The following FOXP1 variants were observed in gnomAD, a reference collection of about 807,000 sequenced individuals.
FOXP1 encodes the protein forkhead box P1, also known as forkhead box protein P1.
Under a neutral mutation model 98.2 loss-of-function variants are expected in FOXP1, and 15 were observed. The ratio of observed to expected loss-of-function variants is 0.15; its 90% confidence interval spans 0.10 to 0.24. FOXP1 has a LOEUF of 0.24. FOXP1 is among the 10% of genes least tolerant of loss of function. FOXP1 has a pLI of 1.00. For synonymous variants in FOXP1, 371 were observed against 314.5 expected, an observed-to-expected ratio of 1.18 and a Z score of -1.90; for missense variants, 633 against 848.5, an observed-to-expected ratio of 0.75 and a Z score of 3.15.
intron 7 of FOXP1, among the ~76,000 whole-genome samples, chr3:71,082,135 T>C (rs767269779): frequency 6.6e-6 from 1 of 151,982 alleles, no homozygotes; most frequent in Non-Finnish European, 1.5e-5. Flanking sequence ...AAAAATGAGC[T>C]GGGCGTGGTG....
chr3:71,580,886 G>A, intron 2 of FOXP1: 1 of 985,348 alleles, frequency 1.0e-6, no homozygotes, highest in Non-Finnish European at 1.2e-6. Flanking sequence ...TGCTCCTCCG[G>A]CATTCCTGTT....
At chr3:71,243,519 TG>T (rs1427927112) in intron 5 of FOXP1, among the ~76,000 whole-genome samples, 1 of 152,210 alleles carries the variant, frequency 6.6e-6, no homozygotes, top group African/African-American at 2.4e-5. Context: ...CAAATCTGCT[TG>T]GGAATGACAT....
At chr3:71,377,731 C>T (rs2079827913) in intron 3 of FOXP1, among the ~76,000 whole-genome samples, 1 of 152,186 alleles carries the variant, frequency 6.6e-6, no homozygotes, top group Non-Finnish European at 1.5e-5. Flanking sequence ...CTTGAAAAAA[C>T]AACTTTGTTT....
chr3:71,055,363 A>G (rs1231143394), intron 7 of FOXP1, among the ~76,000 whole-genome samples: 1 of 152,204 alleles, frequency 6.6e-6, no homozygotes, highest in Non-Finnish European at 1.5e-5. Context: ...AAATTTCATT[A>G]ACCCAGCTCT....
At chr3:71,286,131 AATACCAAGTGCTATGT>A (rs1385428783) in intron 5 of FOXP1, among the ~76,000 whole-genome samples, 1 of 152,204 alleles carries the variant, frequency 6.6e-6, no homozygotes, top group East Asian at 1.9e-4. Flanking sequence ...CTGCAATGAC[AATACCAAGTGCTATGT>A]ATCAGGTATG....
intron 3 of FOXP1, among the ~76,000 whole-genome samples, chr3:71,409,553 G>C (rs1388972526): frequency 7.5e-6 from 1 of 133,310 alleles, no homozygotes; most frequent in Non-Finnish European, 1.7e-5. Context: ...TATCTTTTCG[G>C]AATGAAGAAT....
chr3:71,053,309 GCTC>G (rs1336263052), intron 8 of FOXP1, among the ~76,000 whole-genome samples: 1 of 152,124 alleles, frequency 6.6e-6, no homozygotes, highest in Non-Finnish European at 1.5e-5. Flanking sequence ...CTCCCAACGT[GCTC>G]CTCATTTTGC....
Position 71,225,921 on chromosome 3 carries a change from T to C in FOXP1, c.-11-27529A>G, listed in dbSNP as rs1210805614. On this transcript the variant is annotated intron_variant, in intron 5 of 20. Transcript: ENST00000649528. The stretch of plus-strand genomic sequence containing the variant: ...GCCCAAGACGGACTGAGAAAAATCA[T>C]GTCTTCAGATATTTAGGCAACACTG... Among the ~76,000 whole-genome samples the C allele has an allele frequency of 2.6e-5, 4 of 152,214 alleles. No homozygotes were observed. The East Asian group carries it at 5.8e-4, about 22-fold the overall frequency.
chr3:71,343,499 C>T lies in FOXP1; in HGVS notation c.-73+15651G>A, dbSNP rs545522873. 9.7e-4 allele frequency among the ~76,000 whole-genome samples: 145 copies of T among 149,478 alleles called. 2 individuals are homozygous for T. The highest frequency in any genetic ancestry group is 9.5e-3 in the Admixed American group (142 of 14,896). On this transcript the variant is annotated intron_variant, in intron 4 of 20. Coordinates refer to ENST00000649528, the MANE Select transcript of FOXP1 (RefSeq NM_001349338.3). The stretch of plus-strand genomic sequence containing the variant: ...TGTCCTTTTTTGTTGGGTTACGGGG[C>T]GGGGAAGATAAGTTCTTTTTTTCCC...
intron 5 of FOXP1, among the ~76,000 whole-genome samples, chr3:71,225,078 A>G (rs1425634230): frequency 6.6e-6 from 1 of 152,260 alleles, no homozygotes; most frequent in Non-Finnish European, 1.5e-5. Context: ...CAGACTGAAC[A>G]AGCAACATTG....
intron 6 of FOXP1, among the ~76,000 whole-genome samples, chr3:71,143,247 A>T (rs2060154621): frequency 6.6e-6 from 1 of 152,246 alleles, no homozygotes; most frequent in African/African-American, 2.4e-5. Context: ...TCTAATAATG[A>T]TCAGGACACA....
intron 6 of FOXP1, among the ~76,000 whole-genome samples, chr3:71,165,165 A>T (rs1477959372): frequency 1.3e-5 from 2 of 152,116 alleles, no homozygotes; most frequent in Admixed American, 1.3e-4. Flanking sequence ...ATGGAAAGGA[A>T]ATAAAACACA....
chr3:71,043,941 A>C (rs2048685516), intron 10 of FOXP1, among the ~76,000 whole-genome samples: 1 of 152,208 alleles, frequency 6.6e-6, no homozygotes, highest in Non-Finnish European at 1.5e-5. Context: ...AAAAATGGTA[A>C]ATAAAAATAG....
At chr3:71,519,012 G>A (rs1445545134) in intron 2 of FOXP1, among the ~76,000 whole-genome samples, 8 of 152,342 alleles carry the variant, frequency 5.3e-5, no homozygotes, top group African/African-American at 9.6e-5. Flanking sequence ...TTGGGAGGCC[G>A]AGACGGGCGG....
At chr3:71,366,825 CT>C (rs1452299105) in intron 3 of FOXP1, among the ~76,000 whole-genome samples, 2 of 152,172 alleles carry the variant, frequency 1.3e-5, no homozygotes, top group Non-Finnish European at 2.9e-5. Flanking sequence ...GACCACCTTA[CT>C]TTTTAAAAGT....
At position 71,029,666 on chromosome 3, in the gene FOXP1, T is replaced by C. The variant is rs1026510550; in HGVS notation, c.869+11662A>G. Among the ~76,000 whole-genome samples the C allele has an allele frequency of 3.3e-5, 5 of 152,198 alleles. No individual in the cohort carries two copies. In the South Asian group the frequency reaches 8.3e-4, roughly 25 times the overall value. ...TCGGCCTCCCAAAGTGCTGGGATTG[T>C]AGGCATCAGCCACCACGCTGGGCCC... is the stretch of plus-strand genomic sequence containing the variant. On this transcript the variant is annotated intron_variant, in intron 11 of 20. Coordinates refer to ENST00000649528, the MANE Select transcript of FOXP1 (RefSeq NM_001349338.3).
chr3:71,211,341 G>C lies in FOXP1; in HGVS notation c.-11-12949C>G, dbSNP rs1466705914. ...CTGTCTCAGCTTCCCGAGTAGCTGG[G>C]ATTACAGGGGTGTACCACCAAAACC... On this transcript the variant is annotated intron_variant, in intron 5 of 20. Transcript: ENST00000649528. 1.8e-4 allele frequency among the ~76,000 whole-genome samples: 27 copies of C among 152,074 alleles called. 1 individual carries two copies. The highest frequency in any genetic ancestry group is 1.8e-3 in the Admixed American group (27 of 15,270).
At chr3:71,047,898 T>C (rs918467230) in intron 9 of FOXP1, among the ~76,000 whole-genome samples, 1 of 152,190 alleles carries the variant, frequency 6.6e-6, no homozygotes, top group Non-Finnish European at 1.5e-5. Flanking sequence ...AAACTTTTGT[T>C]GTGTAAAACA....
intron 3 of FOXP1, among the ~76,000 whole-genome samples, chr3:71,439,095 T>TGC (rs1447700575): frequency 6.6e-6 from 1 of 152,234 alleles, no homozygotes; most frequent in Non-Finnish European, 1.5e-5. Context: ...TGGGACTGCC[T>TGC]ATGCAGGTGG....
Sources: gnomAD v4.1 joint callset for allele counts (sites outside exome capture counted in the v4.1 genomes callset) on GRCh38, gnomAD v4.1.1 for gene constraint, MANE v1.5 for transcripts, NCBI Gene and HGNC (gene_info 2026-07-23, HGNC 2026-07-21) for gene names.